SLC23A2: variants seen among roughly 807,000 people sequenced by gnomAD.
The protein encoded by SLC23A2 is Na(+)/L-ascorbic acid transporter 2.
In SLC23A2, 36 loss-of-function variants were observed where a neutral mutation model predicts 73.3. That is an observed-to-expected ratio of 0.49 (90% CI 0.38 to 0.65). The LOEUF (loss-of-function observed/expected upper bound fraction) is 0.65, where lower values mean the gene tolerates loss of function less well. Ranked by LOEUF, SLC23A2 falls within the 30% of genes least tolerant of loss-of-function variation. The pLI is 0.00. For missense variants in SLC23A2, 507 were observed against 841.6 expected (o/e 0.60, Z 4.92); for synonymous variants, 343 against 327.3 (o/e 1.05, Z -0.52).
chr20:4,982,371 C>G (rs77178205), intron 1 of SLC23A2, among the ~76,000 whole-genome samples: 1 of 152,162 alleles, frequency 6.6e-6, no homozygotes, highest in South Asian at 2.1e-4. Context: ...ATGTACTGCT[C>G]CTTATGCAGA....
In SLC23A2 at chr20:4,854,198, C is replaced by A. The variant is rs927926069; in HGVS notation, c.*2774G>T. On this transcript the variant is annotated 3_prime_UTR_variant, in exon 17 of 17. Coordinates refer to ENST00000338244, the MANE Select transcript of SLC23A2 (RefSeq NM_005116.6). ...AAAGTACGGGGTGGTGGTTCAAAGC[C>A]CCAGCAACGCAGGCCAATGATGTGA... 3 of 152,176 alleles carry A rather than the reference C, an allele frequency of 2.0e-5. No individual in the cohort carries two copies. The highest frequency in any genetic ancestry group is 4.4e-5 in the Non-Finnish European group (3 of 68,046). The allele number at this position is 152,176 out of a possible 1,614,324, so 9.4% of individuals were successfully genotyped here. A position where few individuals can be genotyped will look rare whatever the true frequency, so the allele number is the denominator to read the frequency against.
At chr20:4,926,783 T>C (rs1932687969) in intron 3 of SLC23A2, among the ~76,000 whole-genome samples, 1 of 152,142 alleles carries the variant, frequency 6.6e-6, no homozygotes, top group South Asian at 2.1e-4. Flanking sequence ...TCTTTTTCTT[T>C]GTAAAATGTT....
intron 1 of SLC23A2, among the ~76,000 whole-genome samples, chr20:4,983,098 T>G (rs1330932787): frequency 4.6e-5 from 7 of 150,926 alleles, no homozygotes; most frequent in Non-Finnish European, 1.0e-4. Context: ...AGAGTGAAAC[T>G]CCATCTCAAA....
At chr20:4,864,037 G>C (rs945590090) in intron 13 of SLC23A2, among the ~76,000 whole-genome samples, 2 of 152,184 alleles carry the variant, frequency 1.3e-5, no homozygotes, top group African/African-American at 2.4e-5. Context: ...CACCACACGT[G>C]AGAGGTGGTG....
At chr20:4,956,923 T>C (rs1419420492) in intron 2 of SLC23A2, among the ~76,000 whole-genome samples, 2 of 149,362 alleles carry the variant, frequency 1.3e-5, no homozygotes, top group Non-Finnish European at 3.0e-5. Flanking sequence ...TTCTCCTGCC[T>C]CCGCCTCCCA....
intron 1 of SLC23A2, among the ~76,000 whole-genome samples, chr20:4,991,130 G>C (rs1018380700): frequency 1.3e-5 from 2 of 152,032 alleles, no homozygotes; most frequent in African/African-American, 4.8e-5. Flanking sequence ...TTTTTGAGCA[G>C]GGTGTCTCCC....
chr20:4,963,898 A>T (rs1245378121), intron 2 of SLC23A2, among the ~76,000 whole-genome samples: 1 of 152,226 alleles, frequency 6.6e-6, no homozygotes, highest in Non-Finnish European at 1.5e-5. Context: ...TGTACCATTT[A>T]TAATTTACAC....
intron 2 of SLC23A2, among the ~76,000 whole-genome samples, chr20:4,939,459 T>C (rs1408463390): frequency 6.6e-6 from 1 of 152,192 alleles, no homozygotes; most frequent in Non-Finnish European, 1.5e-5. Context: ...CATCAAAAGA[T>C]ATGAAAAATC....
chr20:4,904,111 T>C (rs955527665), intron 4 of SLC23A2, among the ~76,000 whole-genome samples: 1 of 152,142 alleles, frequency 6.6e-6, no homozygotes, highest in African/African-American at 2.4e-5. Context: ...CTGGGCAACA[T>C]AGTGAGGCCT....
At chr20:4,984,035 C>A (rs2087778936) in intron 1 of SLC23A2, among the ~76,000 whole-genome samples, 1 of 151,564 alleles carries the variant, frequency 6.6e-6, no homozygotes, top group Non-Finnish European at 1.5e-5. Context: ...AAATTACATA[C>A]CAGATAAAGG....
At chr20:4,900,930 A>G (rs554320821) in intron 5 of SLC23A2, among the ~76,000 whole-genome samples, 3 of 152,186 alleles carry the variant, frequency 2.0e-5, no homozygotes, top group Non-Finnish European at 4.4e-5. Context: ...GCCCGACTGT[A>G]AAGGAGTTTC....
intron 1 of SLC23A2, among the ~76,000 whole-genome samples, chr20:5,000,540 A>G (rs530493596): frequency 6.6e-6 from 1 of 152,274 alleles, no homozygotes; most frequent in East Asian, 1.9e-4. Context: ...GAATAGAAGT[A>G]GCACCTACTA....
chr20:4,885,959 G>T, intron 6 of SLC23A2, 50 bp from the exon 7 acceptor site: 1 of 1,223,128 alleles, frequency 8.2e-7, no homozygotes, highest in Non-Finnish European at 1.2e-6. Flanking sequence ...GAACTACCGA[G>T]GTAGTTCACT....
chr20:4,978,031 C>T (rs1249931682), intron 1 of SLC23A2, among the ~76,000 whole-genome samples: 6 of 151,938 alleles, frequency 3.9e-5, no homozygotes, highest in Admixed American at 6.6e-5. Flanking sequence ...AGGGTCTCTA[C>T]AAAAACAAAC....
intron 15 of SLC23A2, 80 bp from the exon 16 acceptor site, chr20:4,859,464 G>T (rs1929873260): frequency 2.3e-6 from 2 of 882,898 alleles, no homozygotes; most frequent in Non-Finnish European, 3.9e-6. Flanking sequence ...GGGCAATGGT[G>T]TGGGCAGAAC....
chr20:4,857,332 A>G lies in SLC23A2; in HGVS notation c.1721-128T>C. 1.9e-6 allele frequency: 1 copy of G among 534,234 alleles called. No homozygotes were observed. The highest frequency in any genetic ancestry group is 3.2e-6 in the Non-Finnish European group (1 of 309,626). 33.1% of individuals were successfully genotyped at this position (534,234 alleles called of 1,614,324 possible). A position where few individuals can be genotyped will look rare whatever the true frequency, so the allele number is the denominator to read the frequency against. On this transcript the variant is annotated intron_variant, in intron 16 of 16. Coordinates refer to ENST00000338244, the MANE Select transcript of SLC23A2 (RefSeq NM_005116.6). The surrounding 1 kb of genome is among the most constrained non-coding windows in gnomAD (Gnocchi z 4.0). ...CACACACACACACACACACACACAC[A>G]CACATGGTCCCACAGATCAAACCTG...
At chr20:4,989,091 T>C (rs1174097905) in intron 1 of SLC23A2, among the ~76,000 whole-genome samples, 1 of 150,708 alleles carries the variant, frequency 6.6e-6, no homozygotes, top group Non-Finnish European at 1.5e-5. Flanking sequence ...ATACAAAAAT[T>C]AGCCGGGCAT....
At chr20:5,006,972 T>TGC (rs1476230407) in intron 1 of SLC23A2, among the ~76,000 whole-genome samples, 32 of 151,222 alleles carry the variant, frequency 2.1e-4, no homozygotes, top group African/African-American at 7.8e-4. Flanking sequence ...TGTGTGTGTG[T>TGC]GTGTGCGTGC....
At position 4,853,482 on chromosome 20, in the gene SLC23A2, T is replaced by C. The variant is rs1258297785; in HGVS notation, c.*3490A>G. On this transcript the variant is annotated 3_prime_UTR_variant, in exon 17 of 17. Transcript: ENST00000338244. ...CAACTTAGCTCATGGTCATAAAATA[T>C]ACGTATGGGTAAATAAAGTATACAC... is the stretch of plus-strand genomic sequence containing the variant. 6.6e-6 allele frequency: 1 copy of C among 152,642 alleles called. No homozygotes were observed. Among genetic ancestry groups the C allele is most frequent in the Admixed American group, 6.5e-5 (1 of 15,290 alleles). 9.5% of individuals were successfully genotyped at this position (152,642 alleles called of 1,614,324 possible). A position where few individuals can be genotyped will look rare whatever the true frequency, so the allele number is the denominator to read the frequency against.
Sources: allele counts gnomAD v4.1 joint callset (sites outside exome capture counted in the v4.1 genomes callset), GRCh38; gene constraint gnomAD v4.1.1; non-coding constraint Gnocchi (gnomAD v3.1); transcripts MANE v1.5; gene names NCBI Gene and HGNC (gene_info 2026-07-23, HGNC 2026-07-21).